The following FBXL20 variants were observed in gnomAD, a reference collection of about 807,000 sequenced individuals.
FBXL20 encodes F-box/LRR-repeat protein 20.
Under a neutral mutation model 64.0 loss-of-function variants are expected in FBXL20, and 11 were observed. The ratio of observed to expected loss-of-function variants is 0.17; its 90% CI spans 0.11 to 0.28. The LOEUF (loss-of-function observed/expected upper bound fraction) is 0.28, where lower values mean the gene tolerates loss of function less well. Among genes scored for constraint, FBXL20 ranks in the 10% least tolerant of loss-of-function variants. The probability of loss-of-function intolerance (pLI) is 1.00; values close to 1 mark genes in which losing one functional copy is unlikely to be tolerated. For missense variants in FBXL20, 303 were observed against 526.2 expected (o/e 0.58, Z 4.15); for synonymous variants, 184 against 189.0 (o/e 0.97, Z 0.22).
intron 1 of FBXL20, among the ~76,000 whole-genome samples, chr17:39,377,926 T>C (rs559995222): frequency 6.6e-6 from 1 of 152,250 alleles, no homozygotes; most frequent in Admixed American, 6.5e-5. Flanking sequence ...GGTGGTAGGA[T>C]GGCTTGCACC....
chr17:39,272,718 A>AG (rs58951166), intron 10 of FBXL20, among the ~76,000 whole-genome samples: 5,160 of 78,942 alleles, frequency 0.065, 161 homozygotes, highest in Middle Eastern at 0.11. Flanking sequence ...AAAAAAAAAA[A>AG]AAAGAAAGAA....
At chr17:39,276,858 G>A (rs111751606) in intron 9 of FBXL20, among the ~76,000 whole-genome samples, 4 of 152,264 alleles carry the variant, frequency 2.6e-5, no homozygotes, top group African/African-American at 9.6e-5. Flanking sequence ...AGGCTGAAGT[G>A]GAATGATCGC....
upstream of FBXL20, chr17:39,401,804 G>T: frequency 1.3e-6 from 1 of 795,498 alleles, no homozygotes; most frequent in Non-Finnish European, 1.6e-6. Context: ...CCCTGACGGC[G>T]CTCCCGGGAG....
chr17:39,298,826 A>G (rs2047109305), intron 5 of FBXL20, among the ~76,000 whole-genome samples, 164 bp downstream of exon 5: 1 of 152,190 alleles, frequency 6.6e-6, no homozygotes, highest in Non-Finnish European at 1.5e-5. Context: ...GTTCTTGTTT[A>G]CTGTTAAAAC....
At chr17:39,334,682 T>TA (rs1481719094) in intron 2 of FBXL20, among the ~76,000 whole-genome samples, 1 of 152,166 alleles carries the variant, frequency 6.6e-6, no homozygotes, top group Non-Finnish European at 1.5e-5. Context: ...TTCTTATAGG[T>TA]AATAACAGTC....
intron 1 of FBXL20, among the ~76,000 whole-genome samples, chr17:39,382,722 C>T (rs1384443368): frequency 3.3e-5 from 5 of 151,602 alleles, no homozygotes; most frequent in Admixed American, 6.6e-5. Context: ...GCACCTGTAG[C>T]GCAGCTACTC....
intron 2 of FBXL20, among the ~76,000 whole-genome samples, chr17:39,322,570 C>T (rs940407090): frequency 2.0e-5 from 3 of 152,028 alleles, no homozygotes; most frequent in Non-Finnish European, 4.4e-5. Flanking sequence ...TAGTTGATTA[C>T]AAATTCTCAT....
chr17:39,278,092 T>C (rs528802937), intron 9 of FBXL20, among the ~76,000 whole-genome samples: 6 of 152,320 alleles, frequency 3.9e-5, no homozygotes, highest in Admixed American at 2.0e-4. Flanking sequence ...AATGTGTATG[T>C]ATAGAGTGTG....
In FBXL20 at chr17:39,257,617, AG is replaced by A. The variant is rs1303317513; in HGVS notation, c.*3842del. On this transcript the variant is annotated 3_prime_UTR_variant, in exon 15 of 15. Coordinates refer to ENST00000264658, the MANE Select transcript of FBXL20 (RefSeq NM_032875.3). ...TATCCCTTTCTTCCTCATATCCAAC[AG>A]TTTGCTTTTAAACTGAATTCAAATT... 2.6e-5 allele frequency: 4 copies of A among 152,278 alleles called. No individual in the cohort carries two copies. Among genetic ancestry groups the A allele is most frequent in the Non-Finnish European group, 5.9e-5 (4 of 68,050 alleles). The allele number at this position is 152,278 out of a possible 1,614,324, so 9.4% of individuals were successfully genotyped here. A position where few individuals can be genotyped will look rare whatever the true frequency, so the allele number is the denominator to read the frequency against.
chr17:39,270,785 A>T lies in FBXL20; in HGVS notation c.888+11T>A. On this transcript the variant is annotated intron_variant, in intron 11 of 14. Coordinates refer to ENST00000264658, the MANE Select transcript of FBXL20 (RefSeq NM_032875.3). The stretch of plus-strand genomic sequence containing the variant: ...GGAAACAAACCTATGGAACCTAAAG[A>T]AAATACTTACCCTGGCTAGAGTGGT... 6.2e-7 allele frequency: 1 copy of T among 1,605,192 alleles called. No homozygotes were observed. Among genetic ancestry groups the T allele is most frequent in the African/African-American group, 1.3e-5 (1 of 74,358 alleles).
At chr17:39,335,228 GT>G (rs1339112036) in intron 2 of FBXL20, among the ~76,000 whole-genome samples, 1 of 151,456 alleles carries the variant, frequency 6.6e-6, no homozygotes, top group African/African-American at 2.4e-5. Context: ...TCTTGCTTCT[GT>G]AATACGCTTC....
intron 12 of FBXL20, among the ~76,000 whole-genome samples, chr17:39,266,065 CTTTTTTTTTT>C (rs34822405): frequency 4.8e-5 from 3 of 62,734 alleles, no homozygotes; most frequent in African/African-American, 6.1e-5. Flanking sequence ...CTCATTCATT[CTTTTTTTTTT>C]TTTTTTTTTT....
At chr17:39,281,591 A>G (rs768722529) in intron 8 of FBXL20, 128 bp from the exon 9 acceptor site, 2 of 658,594 alleles carry the variant, frequency 3.0e-6, no homozygotes, top group Non-Finnish European at 5.3e-6. Flanking sequence ...ACAATGAATC[A>G]GAAAATACGC....
intron 3 of FBXL20, 46 bp downstream of exon 3, chr17:39,303,539 C>T (rs370359160): frequency 2.0e-5 from 30 of 1,508,486 alleles, no homozygotes; most frequent in Middle Eastern, 1.7e-4. Flanking sequence ...CTGTTATCAT[C>T]AGTATGAAGA....
At chr17:39,349,353 G>T (rs12940956) in intron 1 of FBXL20, among the ~76,000 whole-genome samples, 6,124 of 94,278 alleles carry the variant, frequency 0.065, 544 homozygotes, top group African/African-American at 0.23. Flanking sequence ...AAAAAAAAAA[G>T]GCTGGGATTA....
chr17:39,332,978 CTTTTTT>C (rs1053384520), intron 2 of FBXL20, among the ~76,000 whole-genome samples: 2 of 151,870 alleles, frequency 1.3e-5, no homozygotes, highest in African/African-American at 4.8e-5. Flanking sequence ...TTTCCTTTTT[CTTTTTT>C]AAGAGATAGT....
At chr17:39,313,530 G>C (rs975013907) in intron 2 of FBXL20, among the ~76,000 whole-genome samples, 2 of 152,202 alleles carry the variant, frequency 1.3e-5, no homozygotes, top group African/African-American at 4.8e-5. Context: ...ACCTTGCCCA[G>C]CCGAGATAAT....
chr17:39,260,145 G>A lies in FBXL20; in HGVS notation c.*1315C>T, dbSNP rs2046732498. 1 of 152,058 alleles carries A rather than the reference G, an allele frequency of 6.6e-6. No homozygotes were observed. The highest frequency in any genetic ancestry group is 2.4e-5 in the African/African-American group (1 of 41,390). The allele number at this position is 152,058 out of a possible 1,614,324, so 9.4% of individuals were successfully genotyped here. A position where few individuals can be genotyped will look rare whatever the true frequency, so the allele number is the denominator to read the frequency against. ...TAGAGCCATTCTTGTATCCCTGAAA[G>A]GCTGAAATGGGGGAAAAGAGAGAAA... On this transcript the variant is annotated 3_prime_UTR_variant, in exon 15 of 15. Coordinates refer to ENST00000264658, the MANE Select transcript of FBXL20 (RefSeq NM_032875.3).
intron 7 of FBXL20, 92 bp from the exon 8 acceptor site, chr17:39,282,947 G>A: frequency 1.4e-6 from 2 of 1,446,672 alleles, no homozygotes; most frequent in East Asian, 2.3e-5. Flanking sequence ...GTAAAGGAAT[G>A]GAAACATTCC....
Sources: gnomAD v4.1 joint callset for allele counts (sites outside exome capture counted in the v4.1 genomes callset) on GRCh38, gnomAD v4.1.1 for gene constraint, MANE v1.5 for transcripts, NCBI Gene and HGNC (gene_info 2026-07-23, HGNC 2026-07-21) for gene names.